Variants in CAMK2D observed in about 807,000 individuals in gnomAD.
CAMK2D encodes the protein calcium/calmodulin dependent protein kinase II delta, also known as calcium/calmodulin-dependent protein kinase type II subunit delta.
In CAMK2D, 37 loss-of-function variants were observed where a neutral mutation model predicts 84.0. The ratio of observed to expected loss-of-function variants is 0.44; its 90% CI spans 0.34 to 0.58. The LOEUF is 0.58. Ranked by LOEUF, CAMK2D falls within the 20% of genes least tolerant of loss-of-function variation. CAMK2D has a pLI of 0.02. For missense variants in CAMK2D, 448 were observed against 652.5 expected (o/e 0.69, Z 3.41); for synonymous variants, 202 against 212.5 (o/e 0.95, Z 0.43).
At chr4:113,675,088 T>C (rs2099312885) in intron 2 of CAMK2D, among the ~76,000 whole-genome samples, 1 of 152,170 alleles carries the variant, frequency 6.6e-6, no homozygotes, top group Admixed American at 6.5e-5. Flanking sequence ...AAAAAGAAAC[T>C]CTTCTTTTCA....
intron 2 of CAMK2D, among the ~76,000 whole-genome samples, chr4:113,713,520 A>T (rs13112329): frequency 1.3e-3 from 198 of 148,314 alleles, no homozygotes; most frequent in African/African-American, 4.7e-3. Flanking sequence ...ATATAGTATA[A>T]CAATATTATA....
chr4:113,452,712 G>A lies in CAMK2D; in HGVS notation c.*1833C>T, dbSNP rs1234083618. 1.3e-5 allele frequency: 2 copies of A among 152,278 alleles called. No individual in the cohort carries two copies. Among genetic ancestry groups the A allele is most frequent in the Admixed American group, 6.6e-5 (1 of 15,232 alleles). The allele number at this position is 152,278 out of a possible 1,614,324, so 9.4% of individuals were successfully genotyped here. ...AAATACATGTATGCCACGTATAGCTGCTTCACAAAAGGGTAAAAGAAATTA... is the reference window on the plus strand; with the variant it reads ...AAATACATGTATGCCACGTATAGCTACTTCACAAAAGGGTAAAAGAAATTA... On this transcript the variant is annotated 3_prime_UTR_variant, in exon 21 of 21. Transcript: ENST00000511664.
Position 113,494,190 on chromosome 4 carries a change from C to T in CAMK2D, c.1135+6273G>A, listed in dbSNP as rs548901674. The stretch of plus-strand genomic sequence containing the variant: ...TTGTTCCGTTGCTGGTGAGGAACTG[C>T]GTTCCTTTGGAGGAGGAGAGGCACT... On this transcript the variant is annotated intron_variant, in intron 16 of 20. Transcript: ENST00000511664. Among the ~76,000 whole-genome samples, 586 of 152,350 alleles carry T rather than the reference C, an allele frequency of 3.8e-3. 2 individuals carry two copies. The highest frequency in any genetic ancestry group is 0.011 in the African/African-American group (477 of 41,570).
chr4:113,702,792 C>G (rs975890072), intron 2 of CAMK2D, among the ~76,000 whole-genome samples: 7 of 152,204 alleles, frequency 4.6e-5, no homozygotes, highest in African/African-American at 1.7e-4. Flanking sequence ...CCTGTAATCC[C>G]AGCTACTCAG....
intron 2 of CAMK2D, among the ~76,000 whole-genome samples, chr4:113,708,817 C>T (rs1186391630): frequency 6.6e-6 from 1 of 152,088 alleles, no homozygotes; most frequent in Admixed American, 6.6e-5. Context: ...CTCCGCCTCC[C>T]GGGTTCAAGC....
At chr4:113,603,769 T>TA (rs1234827821) in intron 4 of CAMK2D, among the ~76,000 whole-genome samples, 35 of 102,422 alleles carry the variant, frequency 3.4e-4, no homozygotes, top group African/African-American at 1.3e-3. Flanking sequence ...TATTTCTTGC[T>TA]ATTTTATATA....
chr4:113,533,422 G>C (rs1351405934), intron 7 of CAMK2D, among the ~76,000 whole-genome samples: 2 of 152,010 alleles, frequency 1.3e-5, no homozygotes, highest in South Asian at 4.1e-4. Flanking sequence ...CATACTACAT[G>C]CCATCAATAG....
chr4:113,571,176 G>C (rs915165438), intron 4 of CAMK2D, among the ~76,000 whole-genome samples: 1 of 152,124 alleles, frequency 6.6e-6, no homozygotes, highest in African/African-American at 2.4e-5. Flanking sequence ...AGGGAACCCT[G>C]GTACACTACT....
At chr4:113,721,447 T>C (rs2099530147) in intron 2 of CAMK2D, among the ~76,000 whole-genome samples, 1 of 152,214 alleles carries the variant, frequency 6.6e-6, no homozygotes, top group South Asian at 2.1e-4. Context: ...ACCTGAGGAC[T>C]GGGAAATTCT....
intron 20 of CAMK2D, among the ~76,000 whole-genome samples, chr4:113,455,252 G>A (rs537568019): frequency 6.6e-6 from 1 of 152,204 alleles, no homozygotes; most frequent in African/African-American, 2.4e-5. Flanking sequence ...TTCCTCCTGT[G>A]GCCTGTCCTC....
intron 3 of CAMK2D, among the ~76,000 whole-genome samples, chr4:113,620,384 A>G (rs2099040487): frequency 6.6e-6 from 1 of 152,224 alleles, no homozygotes. Flanking sequence ...GTACAATTAA[A>G]GGGAAAAAGA....
At chr4:113,567,147 T>C (rs1270979712) in intron 4 of CAMK2D, among the ~76,000 whole-genome samples, 1 of 149,928 alleles carries the variant, frequency 6.7e-6, no homozygotes. Flanking sequence ...ACAACTGAGA[T>C]CTTTTTTTTC....
intron 2 of CAMK2D, among the ~76,000 whole-genome samples, chr4:113,755,869 C>A (rs1291741922): frequency 6.6e-6 from 1 of 151,978 alleles, no homozygotes; most frequent in Admixed American, 6.6e-5. Context: ...GGCAAAAATT[C>A]TATTATCACT....
At chr4:113,515,673 G>A (rs1481919942) in intron 9 of CAMK2D, among the ~76,000 whole-genome samples, 1 of 152,160 alleles carries the variant, frequency 6.6e-6, no homozygotes, top group African/African-American at 2.4e-5. Context: ...AATAGCAGAG[G>A]TAATAAAACA....
intron 3 of CAMK2D, among the ~76,000 whole-genome samples, chr4:113,627,277 C>G (rs776017819): frequency 6.6e-6 from 1 of 152,088 alleles, no homozygotes; most frequent in African/African-American, 2.4e-5. Context: ...TATCATTTTT[C>G]CATTACATTT....
chr4:113,519,897 A>G (rs1190901110), intron 8 of CAMK2D, among the ~76,000 whole-genome samples: 1 of 152,214 alleles, frequency 6.6e-6, no homozygotes, highest in Non-Finnish European at 1.5e-5. Context: ...CAAGCAGGAC[A>G]GACATAATGA....
intron 12 of CAMK2D, among the ~76,000 whole-genome samples, chr4:113,512,358 C>T (rs1030040840): frequency 6.6e-6 from 1 of 152,140 alleles, no homozygotes; most frequent in Non-Finnish European, 1.5e-5. Flanking sequence ...AATGGCTTGG[C>T]TTCTTTAAGC....
chr4:113,636,130 T>C (rs774487225), intron 3 of CAMK2D, among the ~76,000 whole-genome samples: 5 of 152,118 alleles, frequency 3.3e-5, no homozygotes, highest in Non-Finnish European at 7.4e-5. Context: ...AACAAATCCT[T>C]TCATCTTCCC....
At chr4:113,593,992 T>C (rs1326090342) in intron 4 of CAMK2D, among the ~76,000 whole-genome samples, 2 of 152,204 alleles carry the variant, frequency 1.3e-5, no homozygotes, top group Admixed American at 6.5e-5. Context: ...GAGTAATTTA[T>C]AGCAAGCTTA....
Sources: gnomAD v4.1 joint callset for allele counts (sites outside exome capture counted in the v4.1 genomes callset) on GRCh38, gnomAD v4.1.1 for gene constraint, MANE v1.5 for transcripts, NCBI Gene and HGNC (gene_info 2026-07-23, HGNC 2026-07-21) for gene names.